Variants in MAGI3 observed in about 807,000 individuals in gnomAD.
The protein encoded by MAGI3 is membrane-associated guanylate kinase, WW and PDZ domain-containing protein 3.
MAGI3 carries 43 observed loss-of-function variants against 121.8 expected under a neutral mutation model. The observed-to-expected ratio is 0.35, with a 90% CI of 0.28 to 0.46. The LOEUF (loss-of-function observed/expected upper bound fraction) is 0.46, where lower values mean the gene tolerates loss of function less well. MAGI3 is among the 20% of genes least tolerant of loss of function. MAGI3 has a pLI of 1.00. For missense variants in MAGI3, 1,547 were observed against 1,797.3 expected (o/e 0.86, Z 2.52); for synonymous variants, 553 against 639.3 (o/e 0.86, Z 2.04).
In MAGI3 at chr1:113,658,977, A is replaced by G; in HGVS notation, c.2630-103A>G. 1.0e-6 allele frequency: 1 copy of G among 954,566 alleles called. No individual in the cohort carries two copies. The highest frequency in any genetic ancestry group is 1.6e-5 in the South Asian group (1 of 60,944). 59.1% of individuals were successfully genotyped at this position (954,566 alleles called of 1,614,324 possible). On this transcript the variant is annotated intron_variant, in intron 15 of 20. Transcript: ENST00000307546. The surrounding 1 kb of genome is among the most constrained non-coding windows in gnomAD (Gnocchi z 4.0). Reference sequence around the variant, plus strand: ...TACTTTTCTGTTATGTTTTTAAATAATTTTCTTTGATGTTATGTTGAATTT... The same window carrying G: ...TACTTTTCTGTTATGTTTTTAAATAGTTTTCTTTGATGTTATGTTGAATTT...
chr1:113,480,756 T>G (rs192610162), intron 1 of MAGI3, among the ~76,000 whole-genome samples: 2 of 151,722 alleles, frequency 1.3e-5, no homozygotes, highest in Admixed American at 6.6e-5. Context: ...CTTGTGAAAG[T>G]TTTTTTTTGT....
chr1:113,562,760 G>A (rs1303614664), intron 2 of MAGI3, among the ~76,000 whole-genome samples: 1 of 152,140 alleles, frequency 6.6e-6, no homozygotes, highest in African/African-American at 2.4e-5. Flanking sequence ...GTAGGTGATA[G>A]GATGATCTGT....
At chr1:113,650,101 A>G (rs192696036) in intron 13 of MAGI3, among the ~76,000 whole-genome samples, 13 of 152,188 alleles carry the variant, frequency 8.5e-5, no homozygotes, top group Admixed American at 5.2e-4. Context: ...GAAGAACAAT[A>G]ATCTTTAAAA....
In MAGI3 at chr1:113,550,788, T is replaced by A. The variant is rs185374196; in HGVS notation, c.433+1157T>A. On this transcript the variant is annotated intron_variant, in intron 2 of 20. Coordinates refer to ENST00000307546, the MANE Select transcript of MAGI3 (RefSeq NM_001142782.2). ...AAAAAAAGAAAAAAACGAAAAAAAA[T>A]ATATATATATTTTTACATGTTGTTA... 6.5e-3 allele frequency among the ~76,000 whole-genome samples: 962 copies of A among 147,912 alleles called. 4 individuals are homozygous for A. Among genetic ancestry groups the A allele is most frequent in the South Asian group, 0.016 (74 of 4,704 alleles).
chr1:113,638,460 C>G (rs1001845491), intron 9 of MAGI3, among the ~76,000 whole-genome samples: 32 of 152,382 alleles, frequency 2.1e-4, no homozygotes, highest in African/African-American at 7.7e-4. Flanking sequence ...ACAGGACCCT[C>G]AGCTGCAAGT....
At chr1:113,428,416 A>G (rs538316051) in intron 1 of MAGI3, among the ~76,000 whole-genome samples, 2 of 152,190 alleles carry the variant, frequency 1.3e-5, no homozygotes, top group Non-Finnish European at 2.9e-5. Flanking sequence ...CATTTGCAGT[A>G]TTGCCTTTCT....
intron 1 of MAGI3, among the ~76,000 whole-genome samples, chr1:113,536,516 T>G (rs1182678621): frequency 6.6e-6 from 1 of 152,186 alleles, no homozygotes; most frequent in Non-Finnish European, 1.5e-5. Context: ...ACTGAATTGC[T>G]TTTTTCAAAT....
At chr1:113,482,644 ACT>A (rs1491277156) in intron 1 of MAGI3, among the ~76,000 whole-genome samples, 4 of 82,794 alleles carry the variant, frequency 4.8e-5, no homozygotes, top group African/African-American at 1.8e-4. Flanking sequence ...ACCTCAACCT[ACT>A]TTTTTTTTTT....
chr1:113,679,958 G>A (rs1648117140), intron 19 of MAGI3, among the ~76,000 whole-genome samples: 1 of 152,168 alleles, frequency 6.6e-6, no homozygotes, highest in African/African-American at 2.4e-5. Context: ...ACCAGCCTCA[G>A]CCTCCCAGAG....
chr1:113,404,652 T>C (rs997651870), intron 1 of MAGI3, among the ~76,000 whole-genome samples: 2 of 152,102 alleles, frequency 1.3e-5, no homozygotes, highest in African/African-American at 4.8e-5. Flanking sequence ...TCACACTGAT[T>C]GTGGGGGCGG....
In MAGI3 at chr1:113,683,838, A is replaced by G. The variant is rs887574880; in HGVS notation, c.4270A>G (p.Thr1424Ala). The G allele has an allele frequency of 1.2e-6, 2 of 1,612,072 alleles. No individual in the cohort carries two copies. Among genetic ancestry groups the G allele is most frequent in the South Asian group, 1.1e-5 (1 of 90,544 alleles). Residue 1424 changes from threonine (T) to alanine (A), a missense_variant, in exon 21 of 21, where the codon ACA becomes GCA. Thr to Ala is a moderately conservative substitution (Grantham distance 58, BLOSUM62 0). Coordinates refer to ENST00000307546, the MANE Select transcript of MAGI3 (RefSeq NM_001142782.2). ...EPEEKVVSNKTEDHKGKELEA... is the reference protein window; with the variant it reads ...EPEEKVVSNKAEDHKGKELEA... ...TGAAGAGAAGGTAGTTTCAAACAAA[A>G]CAGAAGATCACAAAGGGAAAGAACT...
chr1:113,467,689 C>T (rs939428663), intron 1 of MAGI3, among the ~76,000 whole-genome samples: 1 of 152,060 alleles, frequency 6.6e-6, no homozygotes, highest in Admixed American at 6.6e-5. Flanking sequence ...CATGCCACCA[C>T]ATATGGCTAA....
chr1:113,579,081 G>A (rs1035015678), intron 2 of MAGI3, among the ~76,000 whole-genome samples: 13 of 152,176 alleles, frequency 8.5e-5, no homozygotes, highest in Non-Finnish European at 1.5e-4. Flanking sequence ...GCCAGGCACT[G>A]TCCTAAATGC....
chr1:113,423,203 C>T (rs991680326), intron 1 of MAGI3, among the ~76,000 whole-genome samples: 5 of 145,916 alleles, frequency 3.4e-5, no homozygotes, highest in South Asian at 2.2e-4. Context: ...AGACCCAAAG[C>T]GCGTAGTTCC....
intron 1 of MAGI3, among the ~76,000 whole-genome samples, chr1:113,516,692 C>T (rs1264489659): frequency 6.6e-6 from 1 of 151,878 alleles, no homozygotes; most frequent in Admixed American, 6.6e-5. Flanking sequence ...ACATAACTCC[C>T]CACTCCTTAG....
At chr1:113,619,146 CTA>C (rs1284426819) in intron 7 of MAGI3, among the ~76,000 whole-genome samples, 1 of 152,012 alleles carries the variant, frequency 6.6e-6, no homozygotes, top group Non-Finnish European at 1.5e-5. Flanking sequence ...CCAGTTGAAC[CTA>C]TGTTATAATT....
chr1:113,653,954 A>G lies in MAGI3; in HGVS notation c.2565A>G (p.Gln855=). ...APQEPYDVVL[Q]RKENEGFGFV... is the part of the protein sequence containing the mutation. ...AGGAGCCCTATGATGTTGTCTTGCA[A>G]CGAAAAGAAAATGAAGGATTTGGCT... Residue 855 remains glutamine (Q), a synonymous_variant, in exon 15 of 21, where the codon CAA becomes CAG. Transcript: ENST00000307546. 1.2e-6 allele frequency: 2 copies of G among 1,614,000 alleles called. No individual in the cohort carries two copies.
chr1:113,550,079 G>A (rs1290490314), intron 2 of MAGI3, among the ~76,000 whole-genome samples: 1 of 143,764 alleles, frequency 7.0e-6, no homozygotes, highest in Non-Finnish European at 1.5e-5. Flanking sequence ...TCATGCCACT[G>A]CACTCCAGCC....
chr1:113,582,451 AC>A (rs1384055006), intron 3 of MAGI3, among the ~76,000 whole-genome samples: 1 of 112,564 alleles, frequency 8.9e-6, no homozygotes, highest in Non-Finnish European at 1.9e-5. Flanking sequence ...AGTTCAATGT[AC>A]TGGATTTATA....
Sources: allele counts gnomAD v4.1 joint callset (sites outside exome capture counted in the v4.1 genomes callset), GRCh38; gene constraint gnomAD v4.1.1; non-coding constraint Gnocchi (gnomAD v3.1); transcripts MANE v1.5; gene names NCBI Gene and HGNC (gene_info 2026-07-23, HGNC 2026-07-21).